The following NAA60 variants were observed in gnomAD, a reference collection of about 807,000 sequenced individuals.
NAA60 encodes N-alpha-acetyltransferase 60, NatF catalytic subunit.
Under a neutral mutation model 26.1 loss-of-function variants are expected in NAA60, and 8 were observed. That is an observed-to-expected ratio of 0.31 (90% CI 0.18 to 0.55). The LOEUF (loss-of-function observed/expected upper bound fraction) is 0.55. Among genes scored for constraint, NAA60 ranks in the 20% least tolerant of loss-of-function variants. The pLI is 0.93. For missense variants in NAA60, 290 were observed against 311.3 expected, an observed-to-expected ratio of 0.93 and a Z score of 0.51; for synonymous variants, 131 against 122.5, an observed-to-expected ratio of 1.07 and a Z score of -0.46.
At chr16:3,458,038 G>C in intron 2 of NAA60, 2 of 985,264 alleles carry the variant, frequency 2.0e-6, no homozygotes, top group Non-Finnish European at 2.4e-6. Flanking sequence ...AAGTGCCGCG[G>C]GCTGCCGCCT....
intron 2 of NAA60, among the ~76,000 whole-genome samples, chr16:3,455,869 G>A (rs1038923865): frequency 6.6e-6 from 1 of 151,246 alleles, no homozygotes; most frequent in Non-Finnish European, 1.5e-5. Flanking sequence ...ACTATGCCCA[G>A]CTAATTTTTG....
intron 4 of NAA60, among the ~76,000 whole-genome samples, chr16:3,482,003 G>T (rs908293419): frequency 6.6e-6 from 1 of 152,178 alleles, no homozygotes; most frequent in Non-Finnish European, 1.5e-5. Flanking sequence ...TCCTCTGCCT[G>T]TGGGGGCAGC....
chr16:3,481,463 G>A (rs2036827775), intron 4 of NAA60, among the ~76,000 whole-genome samples: 1 of 152,110 alleles, frequency 6.6e-6, no homozygotes, highest in African/African-American at 2.4e-5. Context: ...CCCCCTCCGG[G>A]TGGCTTTCCT....
At chr16:3,452,255 C>T (rs1039378969) in intron 2 of NAA60, among the ~76,000 whole-genome samples, 3 of 152,098 alleles carry the variant, frequency 2.0e-5, no homozygotes, top group African/African-American at 4.8e-5. Context: ...GGTGAGGCTG[C>T]GGGCCATTTG....
At chr16:3,445,434 C>T (rs751775434) in intron 1 of NAA60, among the ~76,000 whole-genome samples, 2 of 151,662 alleles carry the variant, frequency 1.3e-5, no homozygotes, top group Non-Finnish European at 2.9e-5. Flanking sequence ...CCACCACGTC[C>T]GGCTAATTTT....
At chr16:3,448,039 C>G (rs565276785) in intron 1 of NAA60, among the ~76,000 whole-genome samples, 1 of 152,226 alleles carries the variant, frequency 6.6e-6, no homozygotes, top group African/African-American at 2.4e-5. Context: ...TTACTAGAAG[C>G]TGCAACCAAA....
At chr16:3,477,670 C>T (rs528860430) in intron 3 of NAA60, among the ~76,000 whole-genome samples, 8 of 151,366 alleles carry the variant, frequency 5.3e-5, no homozygotes, top group Admixed American at 4.7e-4. Flanking sequence ...GGCGCAGTGG[C>T]TCACGCCTGT....
intron 5 of NAA60, chr16:3,482,985 G>C: frequency 2.2e-6 from 1 of 465,014 alleles, no homozygotes. Context: ...CCGTTTCTCC[G>C]ATGTCCCACC....
At chr16:3,454,625 A>G (rs2034905333) in intron 2 of NAA60, among the ~76,000 whole-genome samples, 1 of 152,214 alleles carries the variant, frequency 6.6e-6, no homozygotes, top group African/African-American at 2.4e-5. Context: ...ACTCAAACAC[A>G]GCAAAAAAAG....
chr16:3,483,087 CCT>C (rs1567401060), intron 5 of NAA60, among the ~76,000 whole-genome samples: 1 of 152,220 alleles, frequency 6.6e-6, no homozygotes, highest in Non-Finnish European at 1.5e-5. Context: ...TCACATTTAC[CCT>C]GTTTGTTGTC....
At chr16:3,470,510 C>G (rs939616868) in intron 2 of NAA60, among the ~76,000 whole-genome samples, 1 of 152,220 alleles carries the variant, frequency 6.6e-6, no homozygotes, top group African/African-American at 2.4e-5. Context: ...CTCCAACCAG[C>G]TCCACGTCCT....
At chr16:3,450,793 C>G (rs1022271064) in intron 2 of NAA60, among the ~76,000 whole-genome samples, 1 of 151,200 alleles carries the variant, frequency 6.6e-6, no homozygotes, top group African/African-American at 2.4e-5. Flanking sequence ...TGTCTCCTGG[C>G]TTTCATTCTT....
chr16:3,477,211 G>T (rs2151006561), intron 3 of NAA60, among the ~76,000 whole-genome samples: 1 of 152,318 alleles, frequency 6.6e-6, no homozygotes, highest in Non-Finnish European at 1.5e-5. Flanking sequence ...ATTTAACAGT[G>T]TTTCAGTATT....
At chr16:3,455,762 C>A (rs2034965682) in intron 2 of NAA60, among the ~76,000 whole-genome samples, 1 of 151,938 alleles carries the variant, frequency 6.6e-6, no homozygotes, top group East Asian at 1.9e-4. Context: ...GACTGGAGTA[C>A]AGTGGCGCGA....
At chr16:3,458,676 C>T (rs2035165971) in intron 2 of NAA60, among the ~76,000 whole-genome samples, 1 of 152,276 alleles carries the variant, frequency 6.6e-6, no homozygotes, top group South Asian at 2.1e-4. Context: ...TGTTTGCCCT[C>T]CTCTGAACTC....
rs750387795 is a variant in NAA60, at chr16:3,483,608, C to T, written c.572+11C>T. ...TCCCTGGACGATTTTATATCCTTAA[C>T]TTCTGGGGGAGAGGGACTGTGGCTT... On this transcript the variant is annotated intron_variant, in intron 6 of 7. Transcript: ENST00000407558. 12 of 1,597,144 alleles carry T rather than the reference C, an allele frequency of 7.5e-6. No homozygotes were observed. Among genetic ancestry groups the T allele is most frequent in the African/African-American group, 1.3e-5 (1 of 74,254 alleles).
In NAA60 at chr16:3,483,304, C is replaced by G. The variant is rs1259526032; in HGVS notation, c.338-59C>G. 9.3e-6 allele frequency: 12 copies of G among 1,286,136 alleles called. No homozygotes were observed. The East Asian group carries it at 2.3e-4, about 24-fold the overall frequency. The allele number at this position is 1,286,136 out of a possible 1,614,324, so 79.7% of individuals were successfully genotyped here. A position where few individuals can be genotyped will look rare whatever the true frequency, so the allele number is the denominator to read the frequency against. On this transcript the variant is annotated intron_variant, in intron 5 of 7. Coordinates refer to ENST00000407558, the MANE Select transcript of NAA60 (RefSeq NM_001083601.3). ...ACTCATGCAAAGCCCCCATCCTAGC[C>G]CAGTCATCCTTCCTTCCTAACTGCT...
At chr16:3,451,640 A>G (rs1218928189) in intron 2 of NAA60, among the ~76,000 whole-genome samples, 1 of 152,218 alleles carries the variant, frequency 6.6e-6, no homozygotes, top group Non-Finnish European at 1.5e-5. Flanking sequence ...ATACCTGGCC[A>G]GGTGTGGTGG....
At chr16:3,482,817 G>T (rs542664405) in intron 5 of NAA60, 2 of 586,994 alleles carry the variant, frequency 3.4e-6, no homozygotes, top group East Asian at 5.7e-5. Flanking sequence ...CTTTCCACAT[G>T]CCCCCAGGCC....
Sources: gnomAD v4.1 joint callset for allele counts (sites outside exome capture counted in the v4.1 genomes callset) on GRCh38, gnomAD v4.1.1 for gene constraint, MANE v1.5 for transcripts, NCBI Gene and HGNC (gene_info 2026-07-23, HGNC 2026-07-21) for gene names.